The following ADK variants were observed in gnomAD, a reference collection of about 807,000 sequenced individuals.
ADK encodes N6,N6-dimethyladenosine kinase.
ADK carries 24 observed loss-of-function variants against 44.7 expected under a neutral mutation model. The observed-to-expected ratio is 0.54, with a 90% confidence interval of 0.39 to 0.76. The LOEUF is 0.76. Among genes scored for constraint, ADK ranks in the 30% least tolerant of loss-of-function variants. ADK has a pLI of 0.00. For missense variants in ADK, 321 were observed against 425.1 expected, an observed-to-expected ratio of 0.76 and a Z score of 2.15; for synonymous variants, 128 against 142.6, an observed-to-expected ratio of 0.90 and a Z score of 0.73.
intron 3 of ADK, among the ~76,000 whole-genome samples, chr10:74,253,881 C>T (rs796707472): frequency 1.1e-4 from 16 of 151,436 alleles, no homozygotes; most frequent in African/African-American, 3.9e-4. Context: ...ATTCTTTTGC[C>T]TCAGCCTCCT....
At chr10:74,342,816 T>TGTGTGTGTGTGTGTGTGTGTGTG (rs56148690) in intron 4 of ADK, among the ~76,000 whole-genome samples, 7 of 151,630 alleles carry the variant, frequency 4.6e-5, no homozygotes, top group Admixed American at 6.6e-5. Context: ...TGTGTGTGTG[T>TGTGTGTGTGTGTGTGTGTGTGTG]TTTAATATTG....
chr10:74,224,462 T>C (rs566031967), intron 2 of ADK, 76 bp from the exon 3 acceptor site: 1 of 1,148,896 alleles, frequency 8.7e-7, no homozygotes, highest in Non-Finnish European at 1.3e-6. Context: ...TTGGAGTGCT[T>C]GTTTTGAAGA....
chr10:74,215,399 C>A lies in ADK; in HGVS notation c.141-9139C>A, dbSNP rs780438997. 6.6e-5 allele frequency among the ~76,000 whole-genome samples: 10 copies of A among 152,270 alleles called. No individual in the cohort carries two copies. In the South Asian group the frequency reaches 2.1e-3, roughly 32 times the overall value. On this transcript the variant is annotated intron_variant, in intron 2 of 10. Coordinates refer to ENST00000539909, the MANE Select transcript of ADK (RefSeq NM_006721.4). The stretch of plus-strand genomic sequence containing the variant: ...ATCTTGGCTCACTTACAACCTCCAT[C>A]TCCCAGGTTCAAGTGATTCTCCTGC...
intron 1 of ADK, among the ~76,000 whole-genome samples, chr10:74,188,929 C>T (rs1012816976): frequency 3.3e-5 from 5 of 151,838 alleles, no homozygotes; most frequent in Admixed American, 1.3e-4. Context: ...TGCACCACCA[C>T]GCCAGGCTGA....
chr10:74,342,779 TTGTGTGTGTGTGTGTG>T (rs757212421), intron 4 of ADK, among the ~76,000 whole-genome samples: 1 of 141,424 alleles, frequency 7.1e-6, no homozygotes, highest in East Asian at 2.1e-4. Flanking sequence ...CTAGCTCAGT[TTGTGTGTGTGTGTGTG>T]TGTGTGTGTG....
intron 3 of ADK, among the ~76,000 whole-genome samples, chr10:74,236,196 T>C (rs1844953777): frequency 6.6e-6 from 1 of 152,210 alleles, no homozygotes; most frequent in Non-Finnish European, 1.5e-5. Flanking sequence ...GCAGAGGAAA[T>C]ATGATTGACT....
intron 6 of ADK, among the ~76,000 whole-genome samples, chr10:74,482,971 C>CCT (rs1847128042): frequency 6.6e-6 from 1 of 152,146 alleles, no homozygotes; most frequent in Non-Finnish European, 1.5e-5. Context: ...TGTCGGTGGA[C>CCT]CTACCATTTT....
intron 7 of ADK, among the ~76,000 whole-genome samples, chr10:74,588,661 G>A (rs1342704724): frequency 6.6e-6 from 1 of 152,190 alleles, no homozygotes; most frequent in Admixed American, 6.5e-5. Flanking sequence ...CACTATTAGT[G>A]ATGATAAGTG....
chr10:74,336,731 C>T (rs1253718478), intron 4 of ADK, among the ~76,000 whole-genome samples: 5 of 152,140 alleles, frequency 3.3e-5, no homozygotes. Context: ...TACTCAAGTC[C>T]CTTAAATGGC....
intron 3 of ADK, among the ~76,000 whole-genome samples, chr10:74,235,237 C>T (rs185503167): frequency 2.7e-5 from 4 of 147,426 alleles, no homozygotes; most frequent in African/African-American, 7.5e-5. Context: ...ACTTCTACAA[C>T]AGGTAGAAAG....
chr10:74,381,973 T>G (rs1053851295), intron 4 of ADK, among the ~76,000 whole-genome samples: 32 of 152,208 alleles, frequency 2.1e-4, no homozygotes, highest in Non-Finnish European at 2.1e-4. Context: ...TTTCTTATTC[T>G]TTGGTTATTA....
At chr10:74,271,969 AT>A (rs879473358) in intron 3 of ADK, among the ~76,000 whole-genome samples, 4 of 152,106 alleles carry the variant, frequency 2.6e-5, no homozygotes, top group Non-Finnish European at 1.5e-5. Context: ...TTGATAGTAA[AT>A]TAATTGCAGG....
At chr10:74,548,631 G>C (rs1849922271) in intron 7 of ADK, among the ~76,000 whole-genome samples, 1 of 152,126 alleles carries the variant, frequency 6.6e-6, no homozygotes, top group South Asian at 2.1e-4. Context: ...TAAAGAGAGG[G>C]AATAAAGAAG....
intron 2 of ADK, among the ~76,000 whole-genome samples, chr10:74,217,975 C>T (rs1405204643): frequency 6.6e-6 from 1 of 152,190 alleles, no homozygotes; most frequent in African/African-American, 2.4e-5. Context: ...CTCTCCTCCT[C>T]CAAAGGATCG....
chr10:74,634,992 A>G (rs1329120273), intron 9 of ADK, among the ~76,000 whole-genome samples: 2 of 152,184 alleles, frequency 1.3e-5, no homozygotes, highest in Non-Finnish European at 2.9e-5. Flanking sequence ...CTTGACCTTT[A>G]GGACAACAGC....
intron 4 of ADK, among the ~76,000 whole-genome samples, chr10:74,349,488 A>G (rs187819251): frequency 2.0e-5 from 3 of 152,330 alleles, no homozygotes; most frequent in African/African-American, 7.2e-5. Context: ...CAATGACACT[A>G]TGAAGAAACT....
chr10:74,363,396 C>T (rs577204073), intron 4 of ADK, among the ~76,000 whole-genome samples: 7 of 152,196 alleles, frequency 4.6e-5, no homozygotes, highest in South Asian at 4.2e-4. Context: ...TGCAGTGAGA[C>T]GAGCCAAAGC....
At chr10:74,450,955 C>G (rs1396848803) in intron 6 of ADK, among the ~76,000 whole-genome samples, 1 of 151,466 alleles carries the variant, frequency 6.6e-6, no homozygotes, top group African/African-American at 2.4e-5. Context: ...TTCCTGCTAT[C>G]TTTCCATTTC....
intron 3 of ADK, among the ~76,000 whole-genome samples, chr10:74,308,212 A>G (rs1468515545): frequency 6.6e-6 from 1 of 152,192 alleles, no homozygotes; most frequent in Non-Finnish European, 1.5e-5. Flanking sequence ...GAATAATTAA[A>G]CCTTTAAACA....
Sources: allele counts gnomAD v4.1 joint callset (sites outside exome capture counted in the v4.1 genomes callset), GRCh38; gene constraint gnomAD v4.1.1; transcripts MANE v1.5; gene names NCBI Gene and HGNC (gene_info 2026-07-23, HGNC 2026-07-21).